SMIM13: variants seen among roughly 807,000 people sequenced by gnomAD.
SMIM13 encodes the protein small integral membrane protein 13, also known as UPF0766 protein C6orf228.
Under a neutral mutation model 5.9 loss-of-function variants are expected in SMIM13, and 3 were observed. The ratio of observed to expected loss-of-function variants is 0.51; its 90% confidence interval spans 0.23 to 1.31. The LOEUF is 1.31. Among genes scored for constraint, SMIM13 ranks in the 40% most tolerant of loss-of-function variants. SMIM13 has a pLI of 0.18. For missense variants in SMIM13, 85 were observed against 109.9 expected (o/e 0.77, Z 1.01); for synonymous variants, 55 against 46.0 (o/e 1.19, Z -0.79).
Position 11,101,740 on chromosome 6 carries a change from T to C in SMIM13, c.76+7351T>C, listed in dbSNP as rs566208430. 4.9e-5 allele frequency among the ~76,000 whole-genome samples: 7 copies of C among 143,344 alleles called. No individual in the cohort carries two copies. In the East Asian group the frequency reaches 1.2e-3, roughly 24 times the overall value. The allele number at this position is 143,344 out of a possible 152,430, so 94.0% of individuals were successfully genotyped here. Reference sequence around the variant, plus strand: ...AGAACCTGAAAAACATCTTAAGCAATTCTTTTTTTTTTTTTTTTGAGACAG... The same window carrying C: ...AGAACCTGAAAAACATCTTAAGCAACTCTTTTTTTTTTTTTTTTGAGACAG... On this transcript the variant is annotated intron_variant, in intron 1 of 1. Transcript: ENST00000416247.
At position 11,129,082 on chromosome 6, in the gene SMIM13, G is replaced by GT. The variant is rs952447011; in HGVS notation, c.77-5321_77-5320insT. ...ATTTGGCATTGCTACCGGGAGCGGG[G>GT]GGGGGATGATCACTGGAGGCTTCTG... On this transcript the variant is annotated intron_variant, in intron 1 of 1. Coordinates refer to ENST00000416247, the MANE Select transcript of SMIM13 (RefSeq NM_001135575.2). Among the ~76,000 whole-genome samples, 14 of 151,666 alleles carry GT rather than the reference G, an allele frequency of 9.2e-5. No homozygotes were observed. In the South Asian group the frequency reaches 1.3e-3, roughly 14 times the overall value.
At chr6:11,120,520 A>C (rs565082688) in intron 1 of SMIM13, among the ~76,000 whole-genome samples, 1 of 152,296 alleles carries the variant, frequency 6.6e-6, no homozygotes, top group South Asian at 2.1e-4. Flanking sequence ...CTATGACCTA[A>C]TCACCTCCCA....
intron 1 of SMIM13, among the ~76,000 whole-genome samples, chr6:11,108,583 G>T (rs1378018033): frequency 6.6e-6 from 1 of 152,168 alleles, no homozygotes; most frequent in East Asian, 1.9e-4. Flanking sequence ...TGGGCAAAGG[G>T]ATCTCCCTGG....
chr6:11,094,103 GAAA>G lies in SMIM13; in HGVS notation c.-209_-207del, dbSNP rs1226673651. 6.5e-6 allele frequency: 1 copy of G among 153,036 alleles called. No individual in the cohort carries two copies. The allele number at this position is 153,036 out of a possible 1,614,324, so 9.5% of individuals were successfully genotyped here. A position where few individuals can be genotyped will look rare whatever the true frequency, so the allele number is the denominator to read the frequency against. Reference sequence around the variant, plus strand: ...TCCCGCGCTCTGGCCACCCCGGCGGGAAAAGGATCGGGCGGGCGGGCGGTCCCA... The same window carrying G: ...TCCCGCGCTCTGGCCACCCCGGCGGGAGGATCGGGCGGGCGGGCGGTCCCA... On this transcript the variant is annotated 5_prime_UTR_variant, in exon 1 of 2. Transcript: ENST00000416247.
intron 1 of SMIM13, chr6:11,104,227 C>T (rs777516666): frequency 1.9e-5 from 30 of 1,551,514 alleles, no homozygotes; most frequent in East Asian, 4.9e-5. Context: ...GCTAGAATGC[C>T]GAGTCCCGCG....
chr6:11,102,798 T>C (rs28552434), intron 1 of SMIM13: 1 of 152,196 alleles, frequency 6.6e-6, no homozygotes, highest in Non-Finnish European at 1.5e-5. Flanking sequence ...ACTCCATCCT[T>C]GCCCCCCGGA....
Position 11,138,164 on chromosome 6 carries a change from G to C in SMIM13, c.*3562G>C, listed in dbSNP as rs1026423463. The C allele has an allele frequency of 1.7e-4, 26 of 152,102 alleles. No individual in the cohort carries two copies. The highest frequency in any genetic ancestry group is 6.3e-4 in the African/African-American group (26 of 41,430). The allele number at this position is 152,102 out of a possible 1,614,324, so 9.4% of individuals were successfully genotyped here. A position where few individuals can be genotyped will look rare whatever the true frequency, so the allele number is the denominator to read the frequency against. On this transcript the variant is annotated 3_prime_UTR_variant, in exon 2 of 2. Transcript: ENST00000416247. ...AGATTTTGACTGGTAAACTTAAAGT[G>C]CTTTTTATATTTGAGGTTGACTTTA...
At chr6:11,133,263 T>G (rs7753943) in intron 1 of SMIM13, among the ~76,000 whole-genome samples, 28,522 of 152,130 alleles carry the variant, frequency 0.19, 3,012 homozygotes, top group African/African-American at 0.29. Context: ...GACCAAAAAA[T>G]ATTTGTGATT....
At chr6:11,100,696 A>T (rs898613919) in intron 1 of SMIM13, among the ~76,000 whole-genome samples, 4 of 152,018 alleles carry the variant, frequency 2.6e-5, no homozygotes, top group Non-Finnish European at 5.9e-5. Context: ...CTATTTATTT[A>T]TATTTTACCT....
At chr6:11,117,527 A>C (rs1053321249) in intron 1 of SMIM13, among the ~76,000 whole-genome samples, 1 of 151,818 alleles carries the variant, frequency 6.6e-6, no homozygotes, top group South Asian at 2.1e-4. Flanking sequence ...ATTTTTATTC[A>C]ATTCAAGATA....
intron 1 of SMIM13, among the ~76,000 whole-genome samples, chr6:11,125,654 C>A (rs1371456921): frequency 6.6e-6 from 1 of 152,190 alleles, no homozygotes; most frequent in Non-Finnish European, 1.5e-5. Flanking sequence ...CCATGCCACC[C>A]TCTCCTGACC....
At chr6:11,105,402 G>A (rs1241456777) in intron 1 of SMIM13, 1 of 915,996 alleles carries the variant, frequency 1.1e-6, no homozygotes, top group Non-Finnish European at 1.6e-6. Context: ...AACAATCAGA[G>A]CAATTGCCAG....
intron 1 of SMIM13, among the ~76,000 whole-genome samples, chr6:11,133,658 G>A (rs1310899119): frequency 6.6e-6 from 1 of 151,578 alleles, no homozygotes; most frequent in African/African-American, 2.4e-5. Flanking sequence ...TTTCTCCTGT[G>A]TGTTCCTTTA....
intron 1 of SMIM13, among the ~76,000 whole-genome samples, chr6:11,097,678 A>C (rs949976807): frequency 1.2e-4 from 18 of 152,030 alleles, no homozygotes; most frequent in African/African-American, 4.3e-4. Context: ...CAAAAAAAAA[A>C]AAAAAACCTT....
chr6:11,105,798 C>G (rs1257160366), intron 1 of SMIM13: 1 of 155,824 alleles, frequency 6.4e-6, no homozygotes. Context: ...ACCATATTCC[C>G]AGAGAGCCTG....
At chr6:11,115,736 G>A (rs181194613) in intron 1 of SMIM13, among the ~76,000 whole-genome samples, 1 of 149,006 alleles carries the variant, frequency 6.7e-6, no homozygotes, top group African/African-American at 2.5e-5. Context: ...CCGGGCTGGG[G>A]TGCAATTGCT....
intron 1 of SMIM13, among the ~76,000 whole-genome samples, chr6:11,109,793 G>A (rs983783544): frequency 1.3e-5 from 2 of 152,114 alleles, no homozygotes; most frequent in African/African-American, 4.8e-5. Flanking sequence ...AGTTCTTGAG[G>A]ATGTATCCTA....
chr6:11,115,095 C>A (rs1758219908), intron 1 of SMIM13, among the ~76,000 whole-genome samples: 1 of 152,028 alleles, frequency 6.6e-6, no homozygotes, highest in African/African-American at 2.4e-5. Flanking sequence ...TCTTAAACAC[C>A]CTTGTCTGGT....
At chr6:11,119,586 G>A (rs544911512) in intron 1 of SMIM13, among the ~76,000 whole-genome samples, 1 of 152,094 alleles carries the variant, frequency 6.6e-6, no homozygotes, top group African/African-American at 2.4e-5. Context: ...CCCGGGAGGC[G>A]GAGCTTGCAG....
Sources: allele counts gnomAD v4.1 joint callset (sites outside exome capture counted in the v4.1 genomes callset), GRCh38; gene constraint gnomAD v4.1.1; transcripts MANE v1.5; gene names NCBI Gene and HGNC (gene_info 2026-07-23, HGNC 2026-07-21).